The following BPHL variants were observed in gnomAD, a reference collection of about 807,000 sequenced individuals.
BPHL encodes the protein serine hydrolase BPHL.
BPHL carries 27 observed loss-of-function variants against 31.2 expected under a neutral mutation model. The ratio of observed to expected loss-of-function variants is 0.87; its 90% CI spans 0.64 to 1.19. The LOEUF (loss-of-function observed/expected upper bound fraction) is 1.19. BPHL is among the 50% of genes most tolerant of loss of function. The pLI, the probability that BPHL is intolerant of heterozygous loss-of-function variation, is 0.00. For missense variants in BPHL, 356 were observed against 375.7 expected (o/e 0.95, Z 0.43); for synonymous variants, 150 against 146.8 (o/e 1.02, Z -0.16).
intron 6 of BPHL, among the ~76,000 whole-genome samples, chr6:3,144,382 T>TTTTG (rs1554121568): frequency 2.0e-5 from 1 of 49,242 alleles, no homozygotes; most frequent in African/African-American, 5.5e-5. Context: ...CTTTTTTTTT[T>TTTTG]TTTTTTTTGT....
intron 4 of BPHL, among the ~76,000 whole-genome samples, chr6:3,135,711 A>G (rs1377129297): frequency 1.3e-5 from 2 of 151,856 alleles, no homozygotes; most frequent in African/African-American, 4.8e-5. Context: ...ATTTCTTAAG[A>G]TTTGTCTTCC....
chr6:3,142,973 C>A (rs1444053733), intron 6 of BPHL, among the ~76,000 whole-genome samples: 2 of 152,186 alleles, frequency 1.3e-5, no homozygotes, highest in South Asian at 4.1e-4. Flanking sequence ...AATCCCAGCA[C>A]TTTGGGAGGC....
Position 3,152,500 on chromosome 6 carries a change from G to T in BPHL, c.801G>T (p.Met267Ile). 1 of 1,613,088 alleles carries T rather than the reference G, an allele frequency of 6.2e-7. No homozygotes were observed. The highest frequency in any genetic ancestry group is 8.5e-7 in the Non-Finnish European group (1 of 1,179,608). Residue 267 changes from methionine to isoleucine, a missense_variant, in exon 7 of 7, where the codon ATG (methionine) becomes ATT (isoleucine). Met to Ile is a conservative substitution (Grantham distance 10). Transcript: ENST00000380379. ...KHVKGSRLHL[M>I]PEGKHNLHLR... ...ATTCCTTTTTTAGGCTGCATTTGAT[G>T]CCAGAAGGCAAACACAACCTGCATT...
chr6:3,153,573 TA>T lies in BPHL; in HGVS notation c.*1003del. On this transcript the variant is annotated 3_prime_UTR_variant, in exon 7 of 7. Coordinates refer to ENST00000380379, the MANE Select transcript of BPHL (RefSeq NM_004332.4). ...TAAAATTAAACTTTGATTACCACAA[TA>T]AAAACAGTAGCAAGTTAAACCTTGA... The T allele has an allele frequency of 1.9e-6, 1 of 538,466 alleles. No homozygotes were observed. The highest frequency in any genetic ancestry group is 3.2e-6 in the Non-Finnish European group (1 of 308,626). 33.4% of individuals were successfully genotyped at this position (538,466 alleles called of 1,614,324 possible).
intron 1 of BPHL, among the ~76,000 whole-genome samples, chr6:3,120,770 A>T (rs1019529994): frequency 6.6e-6 from 1 of 152,220 alleles, no homozygotes; most frequent in Non-Finnish European, 1.5e-5. Flanking sequence ...TTAATAATTC[A>T]CATAACCTAA....
chr6:3,146,743 GGAGTGCTGGTTTGGGTCA>G (rs1453345650), intron 6 of BPHL, among the ~76,000 whole-genome samples: 15 of 143,004 alleles, frequency 1.0e-4, no homozygotes, highest in South Asian at 2.3e-4. Context: ...GGTTTGGGTC[GGAGTGCTGGTTTGGGTCA>G]GAGTGCTGGT....
chr6:3,127,556 A>C (rs1241735279), intron 3 of BPHL, 148 bp downstream of exon 3: 3 of 610,066 alleles, frequency 4.9e-6, no homozygotes, highest in Non-Finnish European at 5.0e-6. Context: ...GGTATAAAGA[A>C]GAAAGTAGAA....
intron 4 of BPHL, among the ~76,000 whole-genome samples, chr6:3,132,818 C>T (rs565679088): frequency 6.6e-6 from 1 of 152,092 alleles, no homozygotes; most frequent in East Asian, 1.9e-4. Context: ...GTGACAGAGG[C>T]GAGACCCTGT....
In BPHL at chr6:3,118,941, C is replaced by G. The variant is rs1361173925; in HGVS notation, c.107+94C>G. On this transcript the variant is annotated intron_variant, in intron 1 of 6. Coordinates refer to ENST00000380379, the MANE Select transcript of BPHL (RefSeq NM_004332.4). ...GTGCCGACAGCAGGAGTTCCCGGCG[C>G]GCGGGCACGGGGCGTGGGCGCGGCC... The G allele has an allele frequency of 4.7e-6, 5 of 1,062,664 alleles. No individual in the cohort carries two copies. The East Asian group carries it at 1.0e-4, about 21-fold the overall frequency. 65.8% of individuals were successfully genotyped at this position (1,062,664 alleles called of 1,614,324 possible). A position where few individuals can be genotyped will look rare whatever the true frequency, so the allele number is the denominator to read the frequency against.
chr6:3,119,317 T>TTAA, intron 1 of BPHL: 2 of 1,549,784 alleles, frequency 1.3e-6, no homozygotes, highest in South Asian at 2.4e-5. Context: ...CGCTAAGGCT[T>TTAA]TAATCACGGG....
At position 3,129,181 on chromosome 6, in the gene BPHL, A is replaced by G. The variant is rs148363050; in HGVS notation, c.515A>G (p.Asp172Gly). The change falls in exon 4 of 7, where the codon GAC becomes GGC. Residue 172 changes from aspartate (D) to glycine (G), a missense_variant. Physicochemically the swap from Asp to Gly is moderately conservative, Grantham distance 94. Transcript: ENST00000380379. Reference sequence around the variant, plus strand: ...GCCAACGCCTACGTCACTGACGAAGACAGCATGATATATGAGGGTAGGTTC... The same window carrying G: ...GCCAACGCCTACGTCACTGACGAAGGCAGCATGATATATGAGGGTAGGTTC... Reference protein sequence around the residue: ...WGANAYVTDEDSMIYEGIRDV... With the variant: ...WGANAYVTDEGSMIYEGIRDV... 6.3e-7 allele frequency: 1 copy of G among 1,595,838 alleles called. No homozygotes were observed.
chr6:3,137,382 T>C lies in BPHL; in HGVS notation c.553T>C (p.Trp185Arg), dbSNP rs1048711391. 6.2e-7 allele frequency: 1 copy of C among 1,611,890 alleles called. No homozygotes were observed. Among genetic ancestry groups the C allele is most frequent in the Non-Finnish European group, 8.5e-7 (1 of 1,179,596 alleles). The change falls in exon 5 of 7, where the codon TGG becomes CGG. Residue 185 changes from tryptophan to arginine, a missense_variant. Transcript: ENST00000380379. ...IYEGIRDVSK[W>R]SERTRKPLEA... Reference sequence around the variant, plus strand: ...TTCAGGCATCCGAGATGTTTCCAAATGGAGTGAGAGAACAAGAAAGCCTCT... The same window carrying C: ...TTCAGGCATCCGAGATGTTTCCAAACGGAGTGAGAGAACAAGAAAGCCTCT...
At chr6:3,133,286 C>A (rs1761923990) in intron 4 of BPHL, among the ~76,000 whole-genome samples, 1 of 152,142 alleles carries the variant, frequency 6.6e-6, no homozygotes, top group African/African-American at 2.4e-5. Context: ...CCCCTCTCTC[C>A]CTCCCACCAG....
chr6:3,138,013 C>A (rs1762059933), intron 5 of BPHL: 2 of 1,277,624 alleles, frequency 1.6e-6, no homozygotes, highest in Non-Finnish European at 1.0e-6. Flanking sequence ...GAACAATGCA[C>A]AAATGTCTCC....
At chr6:3,131,481 C>T (rs1044980580) in intron 4 of BPHL, among the ~76,000 whole-genome samples, 1 of 152,320 alleles carries the variant, frequency 6.6e-6, no homozygotes. Flanking sequence ...GTTATCCTCA[C>T]CTCTCTTCTT....
intron 2 of BPHL, among the ~76,000 whole-genome samples, chr6:3,125,908 G>C (rs1212510743): frequency 6.6e-6 from 1 of 152,212 alleles, no homozygotes; most frequent in African/African-American, 2.4e-5. Context: ...TGTGGCCTGA[G>C]GTAGAAGTCC....
chr6:3,137,950 G>A, intron 5 of BPHL: 2 of 1,252,196 alleles, frequency 1.6e-6, no homozygotes, highest in Non-Finnish European at 2.1e-6. Flanking sequence ...ATATGAGGAA[G>A]AAAATATTCT....
rs2113783680 is a variant in BPHL, at chr6:3,152,793, G to A, written c.*218G>A. ...TATAATCTCAGCACTTTGGGAGGCT[G>A]AGGTGGGAGAATTGCCTGAGCCCAG... On this transcript the variant is annotated 3_prime_UTR_variant, in exon 7 of 7. Transcript: ENST00000380379. 1 of 410,812 alleles carries A rather than the reference G, an allele frequency of 2.4e-6. No individual in the cohort carries two copies. Among genetic ancestry groups the A allele is most frequent in the South Asian group, 4.3e-5 (1 of 23,516 alleles). The allele number at this position is 410,812 out of a possible 1,614,324, so 25.4% of individuals were successfully genotyped here.
chr6:3,129,072 C>G lies in BPHL; in HGVS notation c.406C>G (p.Leu136Val). 1 of 1,614,242 alleles carries G rather than the reference C, an allele frequency of 6.2e-7. No individual in the cohort carries two copies. The highest frequency in any genetic ancestry group is 1.7e-4 in the Middle Eastern group (1 of 6,060). The change falls in exon 4 of 7, where the codon CTG becomes GTG. Residue 136 changes from leucine (L) to valine (V), a missense_variant. By Grantham distance (32) the Leu-to-Val change is conservative (BLOSUM62 1). Coordinates refer to ENST00000380379, the MANE Select transcript of BPHL (RefSeq NM_004332.4). ...KALKFKKVSLLGWSDGGITAL... is the reference protein window; with the variant it reads ...KALKFKKVSLVGWSDGGITAL... ...GCTGAAGTTTAAGAAGGTTTCTCTGCTGGGGTGGAGTGATGGGGGCATAAC... is the reference window on the plus strand; with the variant it reads ...GCTGAAGTTTAAGAAGGTTTCTCTGGTGGGGTGGAGTGATGGGGGCATAAC...
Sources: allele counts gnomAD v4.1 joint callset (sites outside exome capture counted in the v4.1 genomes callset), GRCh38; gene constraint gnomAD v4.1.1; transcripts MANE v1.5; gene names NCBI Gene and HGNC (gene_info 2026-07-23, HGNC 2026-07-21).